PCDHA8: variants seen among roughly 807,000 people sequenced by gnomAD.
PCDHA8 encodes the protein protocadherin alpha-8.
PCDHA8 carries 53 observed loss-of-function variants against 61.8 expected under a neutral mutation model. The ratio of observed to expected loss-of-function variants is 0.86; its 90% CI spans 0.69 to 1.08. The LOEUF is 1.08. Among genes scored for constraint, PCDHA8 ranks in the 50% least tolerant of loss-of-function variants. PCDHA8 has a pLI of 0.00. For synonymous variants in PCDHA8, 618 were observed against 556.6 expected (o/e 1.11, Z -1.55); for missense variants, 1,293 against 1,245.0 (o/e 1.04, Z -0.58).
At chr5:140,862,994 G>T (rs199654880) in intron 1 of PCDHA8, 1 of 549,002 alleles carries the variant, frequency 1.8e-6, no homozygotes. Flanking sequence ...GGTGCGCACG[G>T]TGGACTCCAG....
intron 1 of PCDHA8, chr5:140,848,253 T>C (rs1021743216): frequency 2.3e-5 from 11 of 469,010 alleles, no homozygotes; most frequent in African/African-American, 2.1e-4. Flanking sequence ...AGAATAACTG[T>C]GAAATTTTTA....
intron 1 of PCDHA8, among the ~76,000 whole-genome samples, chr5:140,954,151 A>G (rs2094989173): frequency 6.6e-6 from 1 of 152,226 alleles, no homozygotes; most frequent in Admixed American, 6.5e-5. Context: ...TCCATGGTGT[A>G]TATGTACCAC....
chr5:140,979,947 A>G (rs781881758), intron 2 of PCDHA8, among the ~76,000 whole-genome samples: 4 of 152,258 alleles, frequency 2.6e-5, no homozygotes, highest in African/African-American at 4.8e-5. Context: ...AGTTAATGTG[A>G]AATTAGTTTT....
Position 140,877,206 on chromosome 5 carries a change from C to A in PCDHA8, c.2394+33491C>A, listed in dbSNP as rs782807049. 10 of 1,613,650 alleles carry A rather than the reference C, an allele frequency of 6.2e-6. No homozygotes were observed. The highest frequency in any genetic ancestry group is 8.5e-6 in the Non-Finnish European group (10 of 1,179,798). On this transcript the variant is annotated intron_variant, in intron 1 of 3. Transcript: ENST00000531613. ...CTGGCAGCGCAGGAGGCGCAGTTAG[C>A]GAGTTGGTACCGCGGTCGGTGGGTG...
At chr5:140,913,160 G>T (rs1437493261) in intron 1 of PCDHA8, among the ~76,000 whole-genome samples, 4 of 152,156 alleles carry the variant, frequency 2.6e-5, no homozygotes, top group African/African-American at 9.7e-5. Flanking sequence ...AGTAGGATTG[G>T]TATTAGTTCT....
In PCDHA8 at chr5:140,849,868, C is replaced by T. The variant is rs1554143431; in HGVS notation, c.2394+6153C>T. 16 of 1,598,490 alleles carry T rather than the reference C, an allele frequency of 1.0e-5. 1 individual carries two copies. In the Middle Eastern group the frequency reaches 6.8e-4, roughly 68 times the overall value. On this transcript the variant is annotated intron_variant, in intron 1 of 3. Transcript: ENST00000531613. ...GACAACGCACCAGCGTTCGCGCAGT[C>T]CGAGTACACGGTGTTCGTGAAGGAG...
chr5:140,968,876 A>G (rs782240993), intron 1 of PCDHA8: 51 of 1,614,112 alleles, frequency 3.2e-5, no homozygotes, highest in Non-Finnish European at 4.1e-5. Context: ...ATACTCTGAA[A>G]TTACCCTTTA....
chr5:140,856,947 A>C (rs1486886568), intron 1 of PCDHA8: 2 of 1,592,142 alleles, frequency 1.3e-6, no homozygotes, highest in Non-Finnish European at 1.7e-6. Context: ...AGGACGGGAG[A>C]AATAAAAGTA....
chr5:140,882,132 A>C, intron 1 of PCDHA8: 1 of 1,475,878 alleles, frequency 6.8e-7, no homozygotes. Flanking sequence ...TTCTTCCTGC[A>C]GAAAATATAG....
chr5:140,865,458 GA>G (rs1462092731), intron 1 of PCDHA8: 4 of 152,192 alleles, frequency 2.6e-5, no homozygotes, highest in African/African-American at 9.6e-5. Flanking sequence ...TGATTTCTAT[GA>G]AGATAAACAT....
At chr5:140,864,373 TAA>T (rs1207632407) in intron 1 of PCDHA8, 1 of 152,248 alleles carries the variant, frequency 6.6e-6, no homozygotes, top group Non-Finnish European at 1.5e-5. Context: ...CTATAATCGA[TAA>T]GTTTATCTCT....
intron 3 of PCDHA8, among the ~76,000 whole-genome samples, chr5:140,991,152 C>T (rs533894396): frequency 4.1e-4 from 63 of 152,168 alleles, no homozygotes; most frequent in South Asian, 1.0e-3. Flanking sequence ...TTTTGCTCAC[C>T]ATTGTATTCC....
chr5:140,892,757 A>G lies in PCDHA8; in HGVS notation c.2394+49042A>G, dbSNP rs140291258. 8.0e-3 allele frequency among the ~76,000 whole-genome samples: 1,217 copies of G among 152,310 alleles called. 7 individuals carry two copies. Among genetic ancestry groups the G allele is most frequent in the African/African-American group, 0.019 (784 of 41,562 alleles). ...CCATTTTTGCATGGTGAACATTTAA[A>G]ATCCACTCTTCTAGCTTCTTGAAAA... On this transcript the variant is annotated intron_variant, in intron 1 of 3. Transcript: ENST00000531613.
At position 140,842,290 on chromosome 5, in the gene PCDHA8, G is replaced by A. The variant is rs2150333533; in HGVS notation, c.969G>A (p.Thr323=). Residue 323 remains threonine, a synonymous_variant, in exon 1 of 4, where the codon ACG becomes ACA. Transcript: ENST00000531613. ...ENLYKILIDA[T]DKGHPPMAGH... The stretch of plus-strand genomic sequence containing the variant: ...TATACAAAATCCTCATTGACGCCAC[G>A]GACAAAGGCCATCCTCCCATGGCGG... The A allele has an allele frequency of 6.2e-7, 1 of 1,610,202 alleles. No homozygotes were observed. The highest frequency in any genetic ancestry group is 1.1e-5 in the South Asian group (1 of 90,980).
At chr5:140,968,165 C>T in intron 1 of PCDHA8, 6 of 1,614,120 alleles carry the variant, frequency 3.7e-6, no homozygotes, top group African/African-American at 1.3e-5. Flanking sequence ...TGACAATCCA[C>T]CAAGCTTCCT....
chr5:140,968,401 C>A, intron 1 of PCDHA8: 4 of 1,613,984 alleles, frequency 2.5e-6, no homozygotes, highest in Non-Finnish European at 2.5e-6. Context: ...TTCGGGAGTT[C>A]TTTGTGACTG....
chr5:140,856,008 G>A, intron 1 of PCDHA8: 1 of 1,542,308 alleles, frequency 6.5e-7, no homozygotes, highest in Middle Eastern at 1.7e-4. Flanking sequence ...GTGCGTTCTA[G>A]ACCGCTGATT....
chr5:140,943,751 TAGG>T (rs1284418706), intron 1 of PCDHA8, among the ~76,000 whole-genome samples: 1 of 152,048 alleles, frequency 6.6e-6, no homozygotes, highest in Non-Finnish European at 1.5e-5. Flanking sequence ...CTAAAAGCAG[TAGG>T]AGATGTAGGA....
intron 1 of PCDHA8, chr5:140,847,447 T>C (rs1013186891): frequency 6.7e-6 from 1 of 149,786 alleles, no homozygotes; most frequent in Non-Finnish European, 1.5e-5. Context: ...CACTAAAATC[T>C]AGATTTAATT....
Sources: gnomAD v4.1 joint callset for allele counts (sites outside exome capture counted in the v4.1 genomes callset) on GRCh38, gnomAD v4.1.1 for gene constraint, MANE v1.5 for transcripts, NCBI Gene and HGNC (gene_info 2026-07-23, HGNC 2026-07-21) for gene names.